The following BDP1 variants were observed in gnomAD, a reference collection of about 807,000 sequenced individuals.
The protein encoded by BDP1 is BDP1 general transcription factor IIIB subunit.
A neutral mutation model predicts 266.6 loss-of-function variants in BDP1; 169 were observed. The ratio of observed to expected loss-of-function variants is 0.63; its 90% confidence interval spans 0.56 to 0.72. BDP1 has a LOEUF of 0.72. BDP1 is among the 30% of genes least tolerant of loss of function. The pLI is 0.00. For synonymous variants in BDP1, 1,090 were observed against 1,022.4 expected, an observed-to-expected ratio of 1.07 and a Z score of -1.26; for missense variants, 3,015 against 3,053.8, an observed-to-expected ratio of 0.99 and a Z score of 0.30.
In BDP1 at chr5:71,541,700, A is replaced by G; in HGVS notation, c.6251+18A>G. 1 of 1,409,644 alleles carries G rather than the reference A, an allele frequency of 7.1e-7. No homozygotes were observed. Among genetic ancestry groups the G allele is most frequent in the Non-Finnish European group, 9.7e-7 (1 of 1,032,132 alleles). 87.3% of individuals were successfully genotyped at this position (1,409,644 alleles called of 1,614,324 possible). Reference sequence around the variant, plus strand: ...CCAACCAGGTTTATTTTAGTATTCAATTAATAAATATTACTAAAACCACCA... The same window carrying G: ...CCAACCAGGTTTATTTTAGTATTCAGTTAATAAATATTACTAAAACCACCA... On this transcript the variant is annotated intron_variant, in intron 29 of 38. Transcript: ENST00000358731.
chr5:71,487,403 G>A (rs1346443883), intron 9 of BDP1, among the ~76,000 whole-genome samples: 1 of 151,970 alleles, frequency 6.6e-6, no homozygotes, highest in African/African-American at 2.4e-5. Context: ...CACCACACCC[G>A]GCTAATTTTT....
In BDP1 at chr5:71,552,955, G is replaced by A. The variant is rs468158; in HGVS notation, c.6996-161G>A. The stretch of plus-strand genomic sequence containing the variant: ...TAATAGCATTTTTGGGGCCATGGCC[G>A]TGTATCTCTTAGTTTGGAGTTTTTT... On this transcript the variant is annotated intron_variant, in intron 34 of 38. Transcript: ENST00000358731. Among the ~76,000 whole-genome samples, 68,227 of 151,916 alleles carry A rather than the reference G, an allele frequency of 0.45. 15,689 individuals are homozygous for A. The highest frequency in any genetic ancestry group is 0.55 in the South Asian group (2,643 of 4,820).
chr5:71,537,871 G>T (rs1766728983), intron 26 of BDP1: 1 of 155,320 alleles, frequency 6.4e-6, no homozygotes, highest in African/African-American at 2.4e-5. Context: ...TGCATGCTGG[G>T]TGCCTGTGAG....
chr5:71,532,442 T>C lies in BDP1; in HGVS notation c.5892+15T>C. ...GTGTACCGTTTGTAAGCATCCATTT[T>C]AATATGTTTTGGCCTTTTATTCTTT... On this transcript the variant is annotated intron_variant, in intron 26 of 38. Coordinates refer to ENST00000358731, the MANE Select transcript of BDP1 (RefSeq NM_018429.3). 6.2e-7 allele frequency: 1 copy of C among 1,611,626 alleles called. No homozygotes were observed. The highest frequency in any genetic ancestry group is 8.5e-7 in the Non-Finnish European group (1 of 1,178,896).
intron 6 of BDP1, 125 bp from the exon 7 acceptor site, chr5:71,470,270 G>A (rs1401534755): frequency 2.9e-6 from 2 of 698,678 alleles, no homozygotes; most frequent in Admixed American, 3.0e-5. Context: ...ATAATAAGGT[G>A]TTTTTAGGTA....
intron 8 of BDP1, among the ~76,000 whole-genome samples, 188 bp from the exon 9 acceptor site, chr5:71,486,296 G>A (rs1413361527): frequency 6.6e-6 from 1 of 152,076 alleles, no homozygotes; most frequent in Non-Finnish European, 1.5e-5. Context: ...GTGTTCTGAT[G>A]TGAACTAATC....
At chr5:71,491,203 C>A in intron 11 of BDP1, 72 bp downstream of exon 11, 1 of 1,401,926 alleles carries the variant, frequency 7.1e-7, no homozygotes, top group Non-Finnish European at 9.9e-7. Context: ...AAGTCTCCAT[C>A]TGTAACTGTG....
chr5:71,528,087 C>G (rs1766024333), intron 25 of BDP1, among the ~76,000 whole-genome samples: 3 of 152,154 alleles, frequency 2.0e-5, no homozygotes, highest in Non-Finnish European at 4.4e-5. Context: ...TCCCAAAGTG[C>G]TGGGATTACA....
In BDP1 at chr5:71,510,212, T is replaced by C; in HGVS notation, c.3120T>C (p.Thr1040=). 1.3e-6 allele frequency: 2 copies of C among 1,597,064 alleles called. No homozygotes were observed. The highest frequency in any genetic ancestry group is 1.7e-6 in the Non-Finnish European group (2 of 1,175,168). ...DATEEIDLEE[T]EREVSPQENG... ...CTGAGGAAATAGATTTGGAAGAAACTGAAAGAGAAGTATCCCCACAGGAAA... is the reference window on the plus strand; with the variant it reads ...CTGAGGAAATAGATTTGGAAGAAACCGAAAGAGAAGTATCCCCACAGGAAA... Residue 1040 remains threonine (T), a synonymous_variant, in exon 17 of 39, where the codon ACT becomes ACC. Transcript: ENST00000358731.
At chr5:71,488,946 G>A (rs988818643) in intron 9 of BDP1, among the ~76,000 whole-genome samples, 1 of 151,664 alleles carries the variant, frequency 6.6e-6, no homozygotes, top group African/African-American at 2.4e-5. Context: ...GACCTCAGAT[G>A]ATCCACCCTC....
chr5:71,500,028 T>G (rs948162367), intron 13 of BDP1, among the ~76,000 whole-genome samples: 3 of 152,232 alleles, frequency 2.0e-5, no homozygotes, highest in African/African-American at 7.2e-5. Context: ...ATAAATAATC[T>G]ATTTACATTG....
chr5:71,544,581 T>G, intron 31 of BDP1, 74 bp downstream of exon 31: 1 of 1,511,722 alleles, frequency 6.6e-7, no homozygotes, highest in Non-Finnish European at 8.9e-7. Flanking sequence ...GCTGTAAGAA[T>G]TTGAAAAAGA....
At chr5:71,467,229 A>G (rs1183189035) in intron 5 of BDP1, 125 bp from the exon 6 acceptor site, 8 of 748,774 alleles carry the variant, frequency 1.1e-5, no homozygotes, top group African/African-American at 7.1e-5. Flanking sequence ...CATATTTCAC[A>G]TAGGTATTAT....
rs1046732943 is a variant in BDP1, at chr5:71,548,853, C to T, written c.6808+108C>T. The T allele has an allele frequency of 1.8e-5, 15 of 813,964 alleles. No individual in the cohort carries two copies. In the African/African-American group the frequency reaches 2.3e-4, roughly 12 times the overall value. 50.4% of individuals were successfully genotyped at this position (813,964 alleles called of 1,614,324 possible). On this transcript the variant is annotated intron_variant, in intron 33 of 38. Transcript: ENST00000358731. ...ACAGTTGTATTTTAGTCTATGCTGG[C>T]CTTAAATTTAAAACGTTTTATAGAA...
intron 7 of BDP1, among the ~76,000 whole-genome samples, chr5:71,472,807 T>C (rs1021996248): frequency 3.9e-5 from 6 of 152,182 alleles, no homozygotes; most frequent in African/African-American, 4.8e-5. Flanking sequence ...TGAAACTATA[T>C]GATCCTGTAG....
At chr5:71,551,814 C>G (rs1403000140) in intron 34 of BDP1, among the ~76,000 whole-genome samples, 1 of 150,536 alleles carries the variant, frequency 6.6e-6, no homozygotes, top group Non-Finnish European at 1.5e-5. Flanking sequence ...GGTGGCTGGC[C>G]GGGCAGAGGG....
At position 71,510,214 on chromosome 5, in the gene BDP1, A is replaced by G. The variant is rs759259797; in HGVS notation, c.3122A>G (p.Glu1041Gly). 4.3e-6 allele frequency: 7 copies of G among 1,613,350 alleles called. No individual in the cohort carries two copies. The Admixed American group carries it at 8.3e-5, about 19-fold the overall frequency. The change falls in exon 17 of 39, where the codon GAA becomes GGA. Residue 1041 changes from glutamate (E) to glycine (G), a missense_variant. By Grantham distance (98) the Glu-to-Gly change is moderately conservative (BLOSUM62 -2). Coordinates refer to ENST00000358731, the MANE Select transcript of BDP1 (RefSeq NM_018429.3). Reference sequence around the variant, plus strand: ...GAGGAAATAGATTTGGAAGAAACTGAAAGAGAAGTATCCCCACAGGAAAAT... The same window carrying G: ...GAGGAAATAGATTTGGAAGAAACTGGAAGAGAAGTATCCCCACAGGAAAAT... ...ATEEIDLEET[E>G]REVSPQENGL...
chr5:71,519,176 G>T (rs1384292691), intron 22 of BDP1, among the ~76,000 whole-genome samples: 1 of 151,884 alleles, frequency 6.6e-6, no homozygotes, highest in Non-Finnish European at 1.5e-5. Context: ...GTCTTAAAAA[G>T]CCTTAAATTT....
Position 71,509,753 on chromosome 5 carries a change from G to C in BDP1, c.2661G>C (p.Lys887Asn), listed in dbSNP as rs527435694. The C allele has an allele frequency of 8.1e-6, 13 of 1,614,112 alleles. No homozygotes were observed. The South Asian group carries it at 1.3e-4, about 16-fold the overall frequency. ...TGRRAISPRE[K>N]ILDVIDDTIE... ...GAAGAGCCATTTCTCCCAGGGAGAA[G>C]ATTCTAGATGTGATTGATGACACCA... Residue 887 changes from lysine to asparagine, a missense_variant, in exon 17 of 39, where the codon AAG (lysine) becomes AAC (asparagine). By Grantham distance (94) the Lys-to-Asn change is moderately conservative. Coordinates refer to ENST00000358731, the MANE Select transcript of BDP1 (RefSeq NM_018429.3).
Sources: allele counts gnomAD v4.1 joint callset (sites outside exome capture counted in the v4.1 genomes callset), GRCh38; gene constraint gnomAD v4.1.1; transcripts MANE v1.5; gene names NCBI Gene and HGNC (gene_info 2026-07-23, HGNC 2026-07-21).